The following NIBAN1 variants were observed in gnomAD, a reference collection of about 807,000 sequenced individuals.
NIBAN1 encodes the protein protein Niban 1.
A neutral mutation model predicts 75.1 loss-of-function variants in NIBAN1; 81 were observed. The observed-to-expected ratio is 1.08, with a 90% CI of 0.90 to 1.30. The LOEUF (loss-of-function observed/expected upper bound fraction) is 1.30, where lower values mean the gene tolerates loss of function less well. Ranked by LOEUF, NIBAN1 falls within the 50% of genes most tolerant of loss-of-function variation. NIBAN1 has a pLI of 0.00. For missense variants in NIBAN1, 1,133 were observed against 1,128.1 expected, an observed-to-expected ratio of 1.00 and a Z score of -0.06; for synonymous variants, 436 against 424.8, an observed-to-expected ratio of 1.03 and a Z score of -0.32.
At chr1:184,970,302 A>G (rs1429488677) in intron 1 of NIBAN1, among the ~76,000 whole-genome samples, 1 of 152,112 alleles carries the variant, frequency 6.6e-6, no homozygotes. Flanking sequence ...GGACTCTAAG[A>G]TCACACTACC....
Position 184,794,197 on chromosome 1 carries a change from C to G in NIBAN1, c.*780G>C, listed in dbSNP as rs1653772596. On this transcript the variant is annotated 3_prime_UTR_variant, in exon 14 of 14. Coordinates refer to ENST00000367511, the MANE Select transcript of NIBAN1 (RefSeq NM_052966.4). ...AATTGACGGGTTTTAAGCTCGATAA[C>G]TTAGCTAAGCCCTTTGCACAGTCTA... The G allele has an allele frequency of 6.6e-6, 1 of 152,236 alleles. No individual in the cohort carries two copies. The highest frequency in any genetic ancestry group is 2.1e-4 in the South Asian group (1 of 4,826). The allele number at this position is 152,236 out of a possible 1,614,324, so 9.4% of individuals were successfully genotyped here.
intron 8 of NIBAN1, chr1:184,821,339 G>A (rs1051217931): frequency 5.9e-5 from 9 of 152,060 alleles, no homozygotes; most frequent in Admixed American, 2.6e-4. Flanking sequence ...TAATGCAGCC[G>A]AAAGCGCACT....
At chr1:184,803,185 A>G (rs1654091512) in intron 12 of NIBAN1, among the ~76,000 whole-genome samples, 1 of 152,348 alleles carries the variant, frequency 6.6e-6, no homozygotes, top group Non-Finnish European at 1.5e-5. Flanking sequence ...CAAGTTTCAG[A>G]GGACACGTTG....
intron 5 of NIBAN1, among the ~76,000 whole-genome samples, chr1:184,881,345 A>G (rs1161974005): frequency 6.6e-6 from 1 of 152,194 alleles, no homozygotes; most frequent in Non-Finnish European, 1.5e-5. Flanking sequence ...TTCTAGATTC[A>G]GAATGAATGA....
At chr1:184,825,751 C>T (rs933171278) in intron 6 of NIBAN1, among the ~76,000 whole-genome samples, 2 of 152,200 alleles carry the variant, frequency 1.3e-5, no homozygotes, top group Non-Finnish European at 2.9e-5. Flanking sequence ...ACTTTCACCA[C>T]GAGTCTTTCA....
chr1:184,889,234 G>A (rs1333083798), intron 4 of NIBAN1, among the ~76,000 whole-genome samples: 1 of 152,146 alleles, frequency 6.6e-6, no homozygotes, highest in Non-Finnish European at 1.5e-5. Flanking sequence ...AATCAAAGAA[G>A]GTTAGACCTA....
chr1:184,875,256 C>T (rs1471411370), intron 5 of NIBAN1, among the ~76,000 whole-genome samples: 1 of 152,070 alleles, frequency 6.6e-6, no homozygotes, highest in East Asian at 1.9e-4. Flanking sequence ...AACAAATTAC[C>T]CCTAAAGTTA....
At chr1:184,810,790 T>C (rs1017245550) in intron 9 of NIBAN1, among the ~76,000 whole-genome samples, 2 of 152,212 alleles carry the variant, frequency 1.3e-5, no homozygotes, top group Non-Finnish European at 2.9e-5. Flanking sequence ...GACTGCCCGA[T>C]TTGCGAATCA....
chr1:184,924,912 T>C (rs1264312339), intron 1 of NIBAN1, among the ~76,000 whole-genome samples: 1 of 152,126 alleles, frequency 6.6e-6, no homozygotes, highest in Admixed American at 6.5e-5. Flanking sequence ...TTGGGTCTTG[T>C]CTTTTTTTCT....
At chr1:184,871,365 A>AG (rs1197992077) in intron 5 of NIBAN1, among the ~76,000 whole-genome samples, 5 of 141,934 alleles carry the variant, frequency 3.5e-5, no homozygotes, top group Admixed American at 6.9e-5. Flanking sequence ...AAAAAAAAAA[A>AG]AAAAAAAAGA....
chr1:184,866,211 G>A (rs1260802104), intron 5 of NIBAN1, among the ~76,000 whole-genome samples: 1 of 152,152 alleles, frequency 6.6e-6, no homozygotes, highest in Non-Finnish European at 1.5e-5. Flanking sequence ...TTAGAACTGT[G>A]ATGGAAGTAA....
intron 1 of NIBAN1, among the ~76,000 whole-genome samples, chr1:184,918,229 T>C (rs1657444197): frequency 6.6e-6 from 1 of 152,176 alleles, no homozygotes; most frequent in Non-Finnish European, 1.5e-5. Context: ...CCTTTGGGCT[T>C]TGGGGATCTC....
chr1:184,940,308 CA>C (rs1216633748), intron 1 of NIBAN1, among the ~76,000 whole-genome samples: 7 of 152,298 alleles, frequency 4.6e-5, no homozygotes, highest in African/African-American at 1.7e-4. Context: ...ACTTCCACTG[CA>C]AAACATCTAG....
At chr1:184,863,575 G>T (rs942217893) in intron 5 of NIBAN1, among the ~76,000 whole-genome samples, 1 of 152,188 alleles carries the variant, frequency 6.6e-6, no homozygotes, top group African/African-American at 2.4e-5. Flanking sequence ...ATTTACAAGA[G>T]ACACTTTTAC....
intron 1 of NIBAN1, among the ~76,000 whole-genome samples, chr1:184,936,697 G>C (rs1657970420): frequency 6.6e-6 from 1 of 152,108 alleles, no homozygotes; most frequent in Non-Finnish European, 1.5e-5. Flanking sequence ...CTGCGTGCGT[G>C]CGTGTGTGTG....
At chr1:184,821,753 T>C (rs540570531) in intron 8 of NIBAN1, among the ~76,000 whole-genome samples, 2 of 152,288 alleles carry the variant, frequency 1.3e-5, no homozygotes, top group South Asian at 4.1e-4. Flanking sequence ...TATAGTCAAC[T>C]CTAGATTAGT....
chr1:184,904,524 T>C (rs1005614608), intron 1 of NIBAN1, among the ~76,000 whole-genome samples: 12 of 152,196 alleles, frequency 7.9e-5, no homozygotes, highest in Admixed American at 5.9e-4. Context: ...TTCATTTGAC[T>C]CCTTCTCTCC....
At chr1:184,806,279 C>T (rs879261320) in intron 10 of NIBAN1, among the ~76,000 whole-genome samples, 2 of 152,216 alleles carry the variant, frequency 1.3e-5, no homozygotes, top group Non-Finnish European at 2.9e-5. Flanking sequence ...AAACCCAAGG[C>T]CATGGGACTG....
intron 8 of NIBAN1, among the ~76,000 whole-genome samples, chr1:184,822,027 C>G (rs1302937414): frequency 6.6e-6 from 1 of 152,172 alleles, no homozygotes; most frequent in Admixed American, 6.5e-5. Context: ...GACTCTAAGC[C>G]TCCTGAGCAC....
Sources: gnomAD v4.1 joint callset for allele counts (sites outside exome capture counted in the v4.1 genomes callset) on GRCh38, gnomAD v4.1.1 for gene constraint, MANE v1.5 for transcripts, NCBI Gene and HGNC (gene_info 2026-07-23, HGNC 2026-07-21) for gene names.